LRTM2: variants seen among roughly 807,000 people sequenced by gnomAD.
LRTM2 encodes the protein leucine rich repeat transmembrane protein 2, also known as leucine-rich repeat and transmembrane domain-containing protein 2.
In LRTM2, 18 loss-of-function variants were observed where a neutral mutation model predicts 28.1. The observed-to-expected ratio is 0.64, with a 90% CI of 0.44 to 0.95. LRTM2 has a LOEUF of 0.95. LRTM2 is among the 40% of genes least tolerant of loss of function. LRTM2 has a pLI of 0.00. For synonymous variants in LRTM2, 250 were observed against 218.7 expected (o/e 1.14, Z -1.26); for missense variants, 436 against 497.2 (o/e 0.88, Z 1.17).
rs544531109 is a variant in LRTM2, at chr12:1,833,530, C to T, written c.659-737C>T. Among the ~76,000 whole-genome samples the T allele has an allele frequency of 2.0e-5, 3 of 152,222 alleles. No homozygotes were observed. The highest frequency in any genetic ancestry group is 4.4e-5 in the Non-Finnish European group (3 of 68,042). On this transcript the variant is annotated intron_variant, in intron 4 of 4. Transcript: ENST00000299194. The surrounding 1 kb of genome is among the most constrained non-coding windows in gnomAD (Gnocchi z 4.2). ...CCCACACCTCCTCATCAACACCAGC[C>T]TCCTCTCCTTGGCCTCGTGTGCCTC...
At chr12:1,822,949 C>T (rs975403732) in intron 1 of LRTM2, among the ~76,000 whole-genome samples, 1 of 152,212 alleles carries the variant, frequency 6.6e-6, no homozygotes, top group Non-Finnish European at 1.5e-5. Flanking sequence ...TGGAAGGGCA[C>T]GGCCCCTGCA....
Position 1,834,645 on chromosome 12 carries a change from T to A in LRTM2, c.1037T>A (p.Leu346His). 6.2e-7 allele frequency: 1 copy of A among 1,600,272 alleles called. No individual in the cohort carries two copies. Reference sequence around the variant, plus strand: ...CTCATGGCCAAGTACCACCGGGAGCTCAAAAAGCGCCAGCCCCTGATGGGG... The same window carrying A: ...CTCATGGCCAAGTACCACCGGGAGCACAAAAAGCGCCAGCCCCTGATGGGG... ...ASLMAKYHRE[L>H]KKRQPLMGDP... is the part of the protein sequence containing the mutation. Residue 346 changes from leucine (L) to histidine (H), a missense_variant, in exon 5 of 5, where the codon CTC becomes CAC. Transcript: ENST00000299194. The surrounding 1 kb of genome is among the most constrained non-coding windows in gnomAD (Gnocchi z 7.6).
In LRTM2 at chr12:1,834,544, C is replaced by T. The variant is rs764892380; in HGVS notation, c.936C>T (p.Ile312=). ...TGAGGCGAGCCATGGGCACGGTGAT[C>T]ATTGCAGGGGTCGTGTGCGGCGTCG... ...ASVRRAMGTV[I]IAGVVCGVVC... The change falls in exon 5 of 5, where the codon ATC becomes ATT. Residue 312 remains isoleucine (I), a synonymous_variant. Transcript: ENST00000299194. This position sits in a 1 kb window ranked among gnomAD's most constrained non-coding sequence, Gnocchi z 7.6. The T allele has an allele frequency of 6.2e-6, 10 of 1,604,324 alleles. No individual in the cohort carries two copies. The South Asian group carries it at 1.1e-4, about 18-fold the overall frequency.
chr12:1,824,427 C>T (rs576555963), intron 1 of LRTM2, among the ~76,000 whole-genome samples: 5 of 152,178 alleles, frequency 3.3e-5, no homozygotes, highest in Non-Finnish European at 7.4e-5. Flanking sequence ...TCCAGAGTTC[C>T]TCATTTGACT....
chr12:1,834,451 C>A lies in LRTM2; in HGVS notation c.843C>A (p.Pro281=), dbSNP rs151123520. 6.2e-7 allele frequency: 1 copy of A among 1,611,874 alleles called. No individual in the cohort carries two copies. The highest frequency in any genetic ancestry group is 8.5e-7 in the Non-Finnish European group (1 of 1,179,832). Residue 281 remains proline, a synonymous_variant, in exon 5 of 5, where the codon CCC becomes CCA. Coordinates refer to ENST00000299194, the MANE Select transcript of LRTM2 (RefSeq NM_001039029.3). This position sits in a 1 kb window ranked among gnomAD's most constrained non-coding sequence, Gnocchi z 7.6. ...GTCCAGAGCCTGCTAAGCCCAAGCC[C>A]GGGGCTGAGCCGGAGCCGGAGCCCA... is the stretch of plus-strand genomic sequence containing the variant. ...KASPEPAKPK[P]GAEPEPEPST...
Position 1,835,080 on chromosome 12 carries a change from T to G in LRTM2, c.*359T>G. ...CTGGGGTGGCCATAGCTGGTGACTC[T>G]TCCTACCTTGCTGGTCCCACCTCAC... On this transcript the variant is annotated 3_prime_UTR_variant, in exon 5 of 5. Coordinates refer to ENST00000299194, the MANE Select transcript of LRTM2 (RefSeq NM_001039029.3). 4.4e-6 allele frequency: 1 copy of G among 228,370 alleles called. No homozygotes were observed. Among genetic ancestry groups the G allele is most frequent in the Non-Finnish European group, 8.6e-6 (1 of 115,806 alleles). 14.1% of individuals were successfully genotyped at this position (228,370 alleles called of 1,614,324 possible). A position where few individuals can be genotyped will look rare whatever the true frequency, so the allele number is the denominator to read the frequency against.
In LRTM2 at chr12:1,820,611, C is replaced by T. The variant is rs1324263360; in HGVS notation, c.-462C>T. On this transcript the variant is annotated 5_prime_UTR_variant, in exon 1 of 5. Coordinates refer to ENST00000299194, the MANE Select transcript of LRTM2 (RefSeq NM_001039029.3). The surrounding 1 kb of genome is among the most constrained non-coding windows in gnomAD (Gnocchi z 6.0). ...TTTGTGACTGACCCAGCAGCCCCGTCCCCCGTCTGCCACAAGCAGTCCACC... is the reference window on the plus strand; with the variant it reads ...TTTGTGACTGACCCAGCAGCCCCGTTCCCCGTCTGCCACAAGCAGTCCACC... 1 of 152,490 alleles carries T rather than the reference C, an allele frequency of 6.6e-6. No homozygotes were observed. Among genetic ancestry groups the T allele is most frequent in the Non-Finnish European group, 1.5e-5 (1 of 68,214 alleles). 9.4% of individuals were successfully genotyped at this position (152,490 alleles called of 1,614,324 possible). A position where few individuals can be genotyped will look rare whatever the true frequency, so the allele number is the denominator to read the frequency against.
chr12:1,834,304 G>A lies in LRTM2; in HGVS notation c.696G>A (p.Lys232=). The stretch of plus-strand genomic sequence containing the variant: ...ACCAGCTTGCCTGCACCCTGCCCAA[G>A]GAGCTGAGGGGGAAGGACATGCGGA... The part of the protein sequence containing the change: ...RLDQLACTLP[K]ELRGKDMRMV... The change falls in exon 5 of 5, where the codon AAG becomes AAA. Residue 232 remains lysine, a synonymous_variant. Coordinates refer to ENST00000299194, the MANE Select transcript of LRTM2 (RefSeq NM_001039029.3). This position sits in a 1 kb window ranked among gnomAD's most constrained non-coding sequence, Gnocchi z 7.6. The A allele has an allele frequency of 6.2e-7, 1 of 1,603,436 alleles. No individual in the cohort carries two copies. The highest frequency in any genetic ancestry group is 2.2e-5 in the East Asian group (1 of 44,686).
At chr12:1,821,126 A>G (rs1864083721) in intron 1 of LRTM2, among the ~76,000 whole-genome samples, 1 of 152,230 alleles carries the variant, frequency 6.6e-6, no homozygotes, top group South Asian at 2.1e-4. Flanking sequence ...CGGTCCCTGC[A>G]GCATGGGAGA....
In LRTM2 at chr12:1,831,283, C is replaced by T. The variant is rs527284344; in HGVS notation, c.416C>T (p.Ser139Leu). 107 of 1,613,558 alleles carry T rather than the reference C, an allele frequency of 6.6e-5. No individual in the cohort carries two copies. Among genetic ancestry groups the T allele is most frequent in the Non-Finnish European group, 8.6e-5 (102 of 1,180,026 alleles). The stretch of plus-strand genomic sequence containing the variant: ...CTGGACAGGGACCTGCTGCGGCACT[C>T]GCCGCTGCTCCGCCACCTGGACCTG... ...RTLDRDLLRH[S>L]PLLRHLDLSI... Residue 139 changes from serine (S) to leucine (L), a missense_variant, in exon 4 of 5, where the codon TCG becomes TTG. By Grantham distance (145) the Ser-to-Leu change is moderately radical. Coordinates refer to ENST00000299194, the MANE Select transcript of LRTM2 (RefSeq NM_001039029.3).
chr12:1,828,183 G>A lies in LRTM2; in HGVS notation c.35G>A (p.Gly12Asp), dbSNP rs1446545719. ...LAPGSSPGQRGRLALQWRQVS... is the reference protein window; with the variant it reads ...LAPGSSPGQRDRLALQWRQVS... ...CCGGGCAGCAGCCCTGGGCAGAGGG[G>A]CAGGCTCGCCCTGCAGTGGAGGCAA... Residue 12 changes from glycine to aspartate, a missense_variant, in exon 3 of 5, where the codon GGC becomes GAC. Physicochemically the swap from Gly to Asp is moderately conservative, Grantham distance 94. Transcript: ENST00000299194. The surrounding 1 kb of genome is among the most constrained non-coding windows in gnomAD (Gnocchi z 4.2). The A allele has an allele frequency of 3.9e-6, 6 of 1,547,032 alleles. No homozygotes were observed. Among genetic ancestry groups the A allele is most frequent in the Admixed American group, 2.0e-5 (1 of 50,682 alleles).
chr12:1,824,785 G>C (rs1277450932), intron 1 of LRTM2, among the ~76,000 whole-genome samples: 1 of 152,192 alleles, frequency 6.6e-6, no homozygotes, highest in Non-Finnish European at 1.5e-5. Context: ...TTGGATGGAG[G>C]CGTGTTGGTA....
rs778901375 is a variant in LRTM2 at position 1,830,898 on chromosome 12, T to C, written c.68-37T>C. 3 of 1,535,894 alleles carry C rather than the reference T, an allele frequency of 2.0e-6. No homozygotes were observed. The South Asian group carries it at 3.7e-5, about 19-fold the overall frequency. ...AGAAGCAGGAGGTGGTGACCCGTCC[T>C]ATTGCTTTCTTTCCCCCGTCTGTCC... On this transcript the variant is annotated intron_variant, in intron 3 of 4. Coordinates refer to ENST00000299194, the MANE Select transcript of LRTM2 (RefSeq NM_001039029.3).
At chr12:1,821,506 G>A (rs1333598803) in intron 1 of LRTM2, among the ~76,000 whole-genome samples, 1 of 152,232 alleles carries the variant, frequency 6.6e-6, no homozygotes, top group Non-Finnish European at 1.5e-5. Flanking sequence ...CCAAGGGCAA[G>A]ACAGGAGAAC....
rs140392944 is a variant in LRTM2, at chr12:1,832,410, C to T, written c.658+885C>T. ...AGCACAAAGTGAGTCCTCAATAAAACGTCCATTTATCCGTTCACTTCCTGG... is the reference window on the plus strand; with the variant it reads ...AGCACAAAGTGAGTCCTCAATAAAATGTCCATTTATCCGTTCACTTCCTGG... On this transcript the variant is annotated intron_variant, in intron 4 of 4. Coordinates refer to ENST00000299194, the MANE Select transcript of LRTM2 (RefSeq NM_001039029.3). Among the ~76,000 whole-genome samples, 10 of 152,318 alleles carry T rather than the reference C, an allele frequency of 6.6e-5. No individual in the cohort carries two copies. In the East Asian group the frequency reaches 1.2e-3, roughly 18 times the overall value.
At chr12:1,831,896 G>A (rs1864652368) in intron 4 of LRTM2, among the ~76,000 whole-genome samples, 1 of 152,102 alleles carries the variant, frequency 6.6e-6, no homozygotes, top group South Asian at 2.1e-4. Flanking sequence ...TTTGCCTGTG[G>A]GCTTCCCCAG....
intron 3 of LRTM2, among the ~76,000 whole-genome samples, chr12:1,830,270 G>A (rs987334551): frequency 6.6e-6 from 1 of 152,254 alleles, no homozygotes; most frequent in East Asian, 1.9e-4. Flanking sequence ...TAGGTGCACA[G>A]CCTGGGCTCT....
intron 1 of LRTM2, among the ~76,000 whole-genome samples, chr12:1,821,416 G>C (rs1026362914): frequency 2.6e-5 from 4 of 152,234 alleles, no homozygotes; most frequent in African/African-American, 9.6e-5. Flanking sequence ...GGCCCACTCA[G>C]CTGTGCATGA....
chr12:1,829,509 T>C lies in LRTM2; in HGVS notation c.67+1294T>C, dbSNP rs1864521302. Among the ~76,000 whole-genome samples the C allele has an allele frequency of 6.6e-6, 1 of 151,972 alleles. No homozygotes were observed. The highest frequency in any genetic ancestry group is 1.5e-5 in the Non-Finnish European group (1 of 67,952). On this transcript the variant is annotated intron_variant, in intron 3 of 4. Transcript: ENST00000299194. The surrounding 1 kb of genome is among the most constrained non-coding windows in gnomAD (Gnocchi z 4.2). The stretch of plus-strand genomic sequence containing the variant: ...CGCCAAGAACAGTGAGGCTTGCTGT[T>C]AGGCTGCAGGGAGGCCTGGGCCAGA...
Sources: gnomAD v4.1 joint callset for allele counts (sites outside exome capture counted in the v4.1 genomes callset) on GRCh38, gnomAD v4.1.1 for gene constraint, Gnocchi (gnomAD v3.1) non-coding constraint, MANE v1.5 for transcripts, NCBI Gene and HGNC (gene_info 2026-07-23, HGNC 2026-07-21) for gene names.